The following TAB2 variants were observed in gnomAD, a reference collection of about 807,000 sequenced individuals.
TAB2 encodes TGF-beta-activated kinase 1 and MAP3K7-binding protein 2.
Under a neutral mutation model 65.0 loss-of-function variants are expected in TAB2, and 3 were observed. That is an observed-to-expected ratio of 0.05 (90% CI 0.02 to 0.12). TAB2 has a LOEUF of 0.12. Among genes scored for constraint, TAB2 ranks in the 10% least tolerant of loss-of-function variants. TAB2 has a pLI of 1.00. For synonymous variants in TAB2, 298 were observed against 285.1 expected, an observed-to-expected ratio of 1.05 and a Z score of -0.46; for missense variants, 623 against 840.3, an observed-to-expected ratio of 0.74 and a Z score of 3.20.
intron 1 of TAB2, among the ~76,000 whole-genome samples, chr6:149,366,849 G>A (rs1781056202): frequency 6.6e-6 from 1 of 151,990 alleles, no homozygotes; most frequent in Non-Finnish European, 1.5e-5. Flanking sequence ...TTCAGTGTAT[G>A]TTTTAATAAT....
At chr6:149,219,282 A>G (rs1424323443) in intron 1 of TAB2, among the ~76,000 whole-genome samples, 1 of 150,990 alleles carries the variant, frequency 6.6e-6, no homozygotes, top group Non-Finnish European at 1.5e-5. Flanking sequence ...ACTTTTGCTT[A>G]CCAAGTGTTT....
intron 1 of TAB2, among the ~76,000 whole-genome samples, chr6:149,240,544 A>G (rs1361595641): frequency 4.2e-5 from 6 of 144,154 alleles, no homozygotes; most frequent in African/African-American, 1.5e-4. Context: ...ATAAAACTGT[A>G]GAATAATAGC....
chr6:149,275,139 T>TTTTAA lies in TAB2; in HGVS notation c.-121+56366_-121+56367insAATTT, dbSNP rs1554255795. ...TCTCTTCTTCTGTTTTTTTTTTTTT[T>TTTTAA]TTTTGAGTTGGAGTCTTGCTCTATT... On this transcript the variant is annotated intron_variant, in intron 1 of 1. Coordinates refer to the TAB2 transcript ENST00000606202. Among the ~76,000 whole-genome samples, 98 of 113,480 alleles carry TTTTAA rather than the reference T, an allele frequency of 8.6e-4. 8 individuals are homozygous for TTTTAA. The highest frequency in any genetic ancestry group is 3.3e-3 in the African/African-American group (92 of 27,710). The allele number at this position is 113,480 out of a possible 152,430, so 74.4% of individuals were successfully genotyped here. A position where few individuals can be genotyped will look rare whatever the true frequency, so the allele number is the denominator to read the frequency against.
At chr6:149,370,182 C>A in intron 2 of TAB2, 83 bp downstream of exon 2, 1 of 1,193,820 alleles carries the variant, frequency 8.4e-7, no homozygotes, top group South Asian at 1.3e-5. Flanking sequence ...TTTAGGTTAT[C>A]TTCTTGTTGG....
At chr6:149,303,070 A>G (rs183189507) in intron 1 of TAB2, among the ~76,000 whole-genome samples, 1 of 152,310 alleles carries the variant, frequency 6.6e-6, no homozygotes, top group Non-Finnish European at 1.5e-5. Flanking sequence ...ATGCCTTATG[A>G]TCTGTCACTA....
At chr6:149,240,193 C>T (rs143884990) in intron 1 of TAB2, among the ~76,000 whole-genome samples, 22 of 152,318 alleles carry the variant, frequency 1.4e-4, no homozygotes, top group African/African-American at 5.3e-4. Context: ...CGGCTCAGGG[C>T]CTTACCCATG....
At chr6:149,233,526 A>G (rs942378380) in intron 1 of TAB2, among the ~76,000 whole-genome samples, 17 of 152,232 alleles carry the variant, frequency 1.1e-4, no homozygotes, top group African/African-American at 3.1e-4. Flanking sequence ...CTTAAAGGCC[A>G]GAAGTGGTTT....
chr6:149,275,300 G>GAGAA (rs1778450094), intron 1 of TAB2, among the ~76,000 whole-genome samples: 3 of 128,302 alleles, frequency 2.3e-5, no homozygotes, highest in South Asian at 2.5e-4. Context: ...AAGAAAGAAA[G>GAGAA]AGAAAAAAGA....
intron 1 of TAB2, among the ~76,000 whole-genome samples, chr6:149,254,413 G>A (rs1043590113): frequency 2.6e-5 from 4 of 152,178 alleles, no homozygotes; most frequent in Non-Finnish European, 4.4e-5. Context: ...TCTTGCCACC[G>A]AAAGCACTCT....
At chr6:149,368,653 G>C (rs1781117619) in intron 1 of TAB2, among the ~76,000 whole-genome samples, 1 of 149,598 alleles carries the variant, frequency 6.7e-6, no homozygotes, top group African/African-American at 2.5e-5. Context: ...ATTTGTGTGT[G>C]TGTGTGTGTG....
At chr6:149,331,731 A>T (rs1030215674) in intron 1 of TAB2, among the ~76,000 whole-genome samples, 1 of 152,126 alleles carries the variant, frequency 6.6e-6, no homozygotes, top group African/African-American at 2.4e-5. Context: ...AAGTGTTTTT[A>T]TCATGAGTAG....
chr6:149,271,940 C>A (rs1194674787), intron 1 of TAB2, among the ~76,000 whole-genome samples: 1 of 152,062 alleles, frequency 6.6e-6, no homozygotes, highest in Admixed American at 6.6e-5. Flanking sequence ...GGACGCTGAG[C>A]ATCAACAGTG....
chr6:149,262,637 A>C (rs1029494578), intron 1 of TAB2, among the ~76,000 whole-genome samples: 1 of 152,164 alleles, frequency 6.6e-6, no homozygotes, highest in African/African-American at 2.4e-5. Flanking sequence ...CTGAATGCAA[A>C]TCCTTGCCAT....
At chr6:149,315,830 T>C (rs576022), upstream of TAB2, among the ~76,000 whole-genome samples, 138,869 of 152,290 alleles carry the variant, frequency 0.91, 63,483 homozygotes, top group African/African-American at 0.98. Flanking sequence ...ATTTGTTATA[T>C]GTACCTTCTT....
At chr6:149,235,911 G>A (rs1319823049) in intron 1 of TAB2, among the ~76,000 whole-genome samples, 2 of 152,200 alleles carry the variant, frequency 1.3e-5, no homozygotes, top group African/African-American at 4.8e-5. Flanking sequence ...GTCAAACCCA[G>A]GCTGGCTCTA....
chr6:149,244,840 C>T (rs1233986015), intron 1 of TAB2: 1 of 151,562 alleles, frequency 6.6e-6, no homozygotes, highest in Non-Finnish European at 1.5e-5. Flanking sequence ...GCAAAGATAG[C>T]GCCACTGCAT....
chr6:149,377,874 T>G, intron 2 of TAB2, 144 bp from the exon 3 acceptor site: 1 of 697,826 alleles, frequency 1.4e-6, no homozygotes, highest in Non-Finnish European at 2.4e-6. Context: ...ATCATTTGCA[T>G]AAAAAAACTT....
intron 1 of TAB2, among the ~76,000 whole-genome samples, chr6:149,262,802 T>C (rs1778182052): frequency 6.6e-6 from 1 of 152,094 alleles, no homozygotes; most frequent in Non-Finnish European, 1.5e-5. Flanking sequence ...TTTTTCCTTT[T>C]TCTTTTTTTT....
At chr6:149,238,504 T>G (rs1318259483) in intron 1 of TAB2, among the ~76,000 whole-genome samples, 4 of 152,212 alleles carry the variant, frequency 2.6e-5, no homozygotes, top group Non-Finnish European at 5.9e-5. Context: ...CTACATGTTC[T>G]GGCCCAGTGG....
Sources: allele counts gnomAD v4.1 joint callset (sites outside exome capture counted in the v4.1 genomes callset), GRCh38; gene constraint gnomAD v4.1.1; transcripts MANE v1.5; gene names NCBI Gene and HGNC (gene_info 2026-07-23, HGNC 2026-07-21).